Variants in HTR7 observed in about 807,000 individuals in gnomAD.
The protein encoded by HTR7 is 5-HT-7.
In HTR7, 16 loss-of-function variants were observed where a neutral mutation model predicts 34.0. The observed-to-expected ratio is 0.47, with a 90% CI of 0.32 to 0.71. The LOEUF (loss-of-function observed/expected upper bound fraction) is 0.71, where lower values mean the gene tolerates loss of function less well. HTR7 is among the 30% of genes least tolerant of loss of function. The probability of loss-of-function intolerance (pLI) is 0.04; values close to 1 mark genes in which losing one functional copy is unlikely to be tolerated. For missense variants in HTR7, 504 were observed against 625.5 expected (o/e 0.81, Z 2.07); for synonymous variants, 265 against 260.2 (o/e 1.02, Z -0.18).
chr10:90,824,243 C>T (rs953385466), intron 1 of HTR7, among the ~76,000 whole-genome samples: 4 of 152,240 alleles, frequency 2.6e-5, no homozygotes, highest in Non-Finnish European at 4.4e-5. Flanking sequence ...TCCTAGTGCC[C>T]AGATGACATT....
intron 1 of HTR7, among the ~76,000 whole-genome samples, chr10:90,828,762 A>AT (rs1846118031): frequency 6.6e-6 from 1 of 152,158 alleles, no homozygotes; most frequent in Non-Finnish European, 1.5e-5. Context: ...TTCACAAAAC[A>AT]TTTTTAAAAA....
intron 1 of HTR7, among the ~76,000 whole-genome samples, chr10:90,758,237 C>G (rs1298458608): frequency 6.7e-6 from 1 of 149,262 alleles, no homozygotes; most frequent in African/African-American, 2.5e-5. Flanking sequence ...CCCAGCTACT[C>G]AGGAGGCAGA....
intron 1 of HTR7, among the ~76,000 whole-genome samples, chr10:90,808,222 TTCTC>T (rs1231542081): frequency 1.3e-5 from 2 of 151,664 alleles, no homozygotes; most frequent in South Asian, 2.1e-4. Flanking sequence ...CCCCAACCCC[TTCTC>T]TCTGTGTCTC....
chr10:90,765,075 C>T (rs1280143409), intron 1 of HTR7, among the ~76,000 whole-genome samples: 3 of 152,116 alleles, frequency 2.0e-5, no homozygotes, highest in Non-Finnish European at 4.4e-5. Flanking sequence ...CCTTCCTGTT[C>T]AACTTTTTGG....
chr10:90,766,316 G>T (rs144911839), intron 1 of HTR7, among the ~76,000 whole-genome samples: 380 of 152,150 alleles, frequency 2.5e-3, no homozygotes, highest in African/African-American at 8.2e-3. Flanking sequence ...AGTCTATTTT[G>T]TTTGATATAA....
At chr10:90,792,898 C>CAA (rs138472923) in intron 1 of HTR7, among the ~76,000 whole-genome samples, 7 of 151,332 alleles carry the variant, frequency 4.6e-5, no homozygotes, top group Non-Finnish European at 3.0e-5. Flanking sequence ...AAATTAACGA[C>CAA]AAAAAAAATG....
chr10:90,822,317 G>A (rs912097997), intron 1 of HTR7, among the ~76,000 whole-genome samples: 1 of 152,228 alleles, frequency 6.6e-6, no homozygotes, highest in African/African-American at 2.4e-5. Context: ...GGTCACACTT[G>A]CCATGCTTTA....
chr10:90,758,095 C>A (rs1473492712), intron 1 of HTR7, among the ~76,000 whole-genome samples: 1 of 151,880 alleles, frequency 6.6e-6, no homozygotes, highest in Non-Finnish European at 1.5e-5. Context: ...CACCTGTAAT[C>A]CCAGTACTTT....
At chr10:90,852,683 T>C (rs964757482) in intron 1 of HTR7, among the ~76,000 whole-genome samples, 1 of 152,196 alleles carries the variant, frequency 6.6e-6, no homozygotes, top group African/African-American at 2.4e-5. Context: ...AATGAACCAC[T>C]GATAGGCTAA....
In HTR7 at chr10:90,744,140, G is replaced by A. The variant is rs573480849; in HGVS notation, c.1296-450C>T. The stretch of plus-strand genomic sequence containing the variant: ...GGAAAAGAGCTGGAGAAAGCCCTGA[G>A]TCTGGAGGAGTCCAGAATCTGCACG... On this transcript the variant is annotated intron_variant, in intron 2 of 3. Transcript: ENST00000336152. 2.0e-5 allele frequency among the ~76,000 whole-genome samples: 3 copies of A among 151,852 alleles called. No homozygotes were observed. In the East Asian group the frequency reaches 5.8e-4, roughly 29 times the overall value.
intron 1 of HTR7, among the ~76,000 whole-genome samples, chr10:90,846,920 T>C (rs1846420586): frequency 6.6e-6 from 1 of 152,174 alleles, no homozygotes; most frequent in Non-Finnish European, 1.5e-5. Context: ...GCTTCTCCTA[T>C]GCTATTCCCT....
intron 1 of HTR7, among the ~76,000 whole-genome samples, chr10:90,821,455 A>G (rs1845979577): frequency 6.6e-6 from 1 of 152,214 alleles, no homozygotes; most frequent in Non-Finnish European, 1.5e-5. Flanking sequence ...CCCTAGCCAA[A>G]GGGGAATTGT....
intron 1 of HTR7, among the ~76,000 whole-genome samples, chr10:90,849,836 C>A (rs1327437518): frequency 6.6e-6 from 1 of 152,218 alleles, no homozygotes; most frequent in African/African-American, 2.4e-5. Context: ...CACACTCACA[C>A]ACGCATGCAC....
intron 1 of HTR7, among the ~76,000 whole-genome samples, chr10:90,805,921 A>AT (rs1183866615): frequency 6.6e-6 from 1 of 152,198 alleles, no homozygotes; most frequent in Admixed American, 6.5e-5. Context: ...TAGTTGTAAA[A>AT]TTTCTTTAGT....
chr10:90,764,823 G>T (rs547215223), intron 1 of HTR7, among the ~76,000 whole-genome samples: 1 of 151,986 alleles, frequency 6.6e-6, no homozygotes, highest in Non-Finnish European at 1.5e-5. Context: ...TGTGTCAAAT[G>T]CTTTTTATTC....
chr10:90,840,991 G>A (rs1371670724), intron 1 of HTR7, among the ~76,000 whole-genome samples: 1 of 152,188 alleles, frequency 6.6e-6, no homozygotes, highest in Non-Finnish European at 1.5e-5. Flanking sequence ...ACTGGTCAAA[G>A]CTTTAAGCCT....
chr10:90,750,202 C>T (rs893445088), intron 1 of HTR7, among the ~76,000 whole-genome samples: 2 of 151,888 alleles, frequency 1.3e-5, no homozygotes, highest in Non-Finnish European at 2.9e-5. Context: ...ATTATTTTGC[C>T]CACAGAAAAT....
At chr10:90,816,797 G>A (rs530089322) in intron 1 of HTR7, among the ~76,000 whole-genome samples, 10 of 152,244 alleles carry the variant, frequency 6.6e-5, no homozygotes, top group South Asian at 4.1e-4. Flanking sequence ...CTCTAAGCCC[G>A]GGGACTATCA....
Position 90,777,591 on chromosome 10 carries a change from C to T in HTR7, c.540-27997G>A, listed in dbSNP as rs534557272. On this transcript the variant is annotated intron_variant, in intron 1 of 3. Transcript: ENST00000336152. Reference sequence around the variant, plus strand: ...AGGCAAAAGATAATGCCAACCAAGTCTGTCCATTTTTAAGAACTTTTCCAG... The same window carrying T: ...AGGCAAAAGATAATGCCAACCAAGTTTGTCCATTTTTAAGAACTTTTCCAG... Among the ~76,000 whole-genome samples the T allele has an allele frequency of 5.9e-5, 9 of 152,186 alleles. No homozygotes were observed. In the East Asian group the frequency reaches 1.7e-3, roughly 29 times the overall value.
Sources: allele counts gnomAD v4.1 joint callset (sites outside exome capture counted in the v4.1 genomes callset), GRCh38; gene constraint gnomAD v4.1.1; transcripts MANE v1.5; gene names NCBI Gene and HGNC (gene_info 2026-07-23, HGNC 2026-07-21).